The following RSPRY1 variants were observed in gnomAD, a reference collection of about 807,000 sequenced individuals.
RSPRY1 encodes RING finger and SPRY domain-containing protein 1.
Under a neutral mutation model 73.1 loss-of-function variants are expected in RSPRY1, and 23 were observed. The observed-to-expected ratio is 0.31, with a 90% CI of 0.23 to 0.45. The LOEUF is 0.45. Among genes scored for constraint, RSPRY1 ranks in the 20% least tolerant of loss-of-function variants. The pLI is 1.00. For synonymous variants in RSPRY1, 226 were observed against 251.4 expected, an observed-to-expected ratio of 0.90 and a Z score of 0.95; for missense variants, 448 against 698.7, an observed-to-expected ratio of 0.64 and a Z score of 4.05.
chr16:57,237,182 C>T (rs1258934510), intron 14 of RSPRY1, among the ~76,000 whole-genome samples: 9 of 152,100 alleles, frequency 5.9e-5, no homozygotes, highest in South Asian at 2.1e-4. Flanking sequence ...CTTGCTCTGT[C>T]GTCCAGGCTG....
At chr16:57,220,530 T>C in intron 8 of RSPRY1, 1 of 349,112 alleles carries the variant, frequency 2.9e-6, no homozygotes, top group East Asian at 4.4e-5. Flanking sequence ...TGCTTTTTAG[T>C]TCTAATAGTT....
chr16:57,199,577 G>A (rs2074521795), intron 1 of RSPRY1, among the ~76,000 whole-genome samples: 1 of 152,210 alleles, frequency 6.6e-6, no homozygotes, highest in South Asian at 2.1e-4. Flanking sequence ...AGTTATCTCT[G>A]GGAAAGGCAT....
At chr16:57,212,865 G>T in intron 4 of RSPRY1, 107 bp from the exon 5 acceptor site, 1 of 1,179,374 alleles carries the variant, frequency 8.5e-7, no homozygotes, top group Non-Finnish European at 1.2e-6. Context: ...CGCCCGCCTC[G>T]GCCTCCCAAA....
intron 1 of RSPRY1, among the ~76,000 whole-genome samples, chr16:57,199,143 G>A (rs1459169085): frequency 1.3e-5 from 2 of 152,220 alleles, no homozygotes; most frequent in Admixed American, 6.5e-5. Context: ...ATAGAAGGTT[G>A]TGGTATTAAA....
In RSPRY1 at chr16:57,235,209, T is replaced by C. The variant is rs1459607477; in HGVS notation, c.1615T>C (p.Leu539=). The C allele has an allele frequency of 1.2e-6, 2 of 1,613,484 alleles. No homozygotes were observed. The highest frequency in any genetic ancestry group is 2.2e-5 in the East Asian group (1 of 44,860). ...TTGTGATGAGGTAGCAGACACACAA[T>C]TGAAGCCATGTGGACACAGGTAAGA... ...LCCDEVADTQ[L]KPCGHSDLCM... Residue 539 remains leucine, a synonymous_variant, in exon 14 of 15, where the codon TTG becomes CTG. Transcript: ENST00000394420.
At chr16:57,188,561 G>T (rs1354066980) in intron 1 of RSPRY1, among the ~76,000 whole-genome samples, 1 of 152,202 alleles carries the variant, frequency 6.6e-6, no homozygotes, top group Admixed American at 6.5e-5. Context: ...TTGTTGCCCA[G>T]GCTGGAGTGC....
chr16:57,193,839 A>G (rs1480769930), intron 1 of RSPRY1, among the ~76,000 whole-genome samples: 1 of 152,038 alleles, frequency 6.6e-6, no homozygotes, highest in Non-Finnish European at 1.5e-5. Context: ...GCCGAGGTGG[A>G]CAGATCATTT....
intron 1 of RSPRY1, among the ~76,000 whole-genome samples, chr16:57,192,338 GA>G (rs1157790586): frequency 1.3e-5 from 2 of 152,066 alleles, no homozygotes; most frequent in African/African-American, 4.8e-5. Context: ...CTCCTGGGGG[GA>G]AAACCACAAG....
intron 8 of RSPRY1, among the ~76,000 whole-genome samples, chr16:57,217,752 G>A (rs1310702147): frequency 1.3e-5 from 2 of 152,148 alleles, no homozygotes; most frequent in Non-Finnish European, 2.9e-5. Context: ...GATTAAGAGT[G>A]ATCAACCTGT....
chr16:57,210,500 C>A (rs947099447), intron 4 of RSPRY1, among the ~76,000 whole-genome samples: 1 of 151,910 alleles, frequency 6.6e-6, no homozygotes, highest in Non-Finnish European at 1.5e-5. Flanking sequence ...GTCAGGAGTT[C>A]GAGACCAGCC....
intron 14 of RSPRY1, among the ~76,000 whole-genome samples, chr16:57,236,449 A>G (rs1484968390): frequency 6.6e-6 from 1 of 152,210 alleles, no homozygotes; most frequent in African/African-American, 2.4e-5. Context: ...AGCAACAACA[A>G]TTTTAAAAGG....
chr16:57,223,456 C>A (rs2075071845), intron 10 of RSPRY1, among the ~76,000 whole-genome samples: 1 of 152,152 alleles, frequency 6.6e-6, no homozygotes, highest in African/African-American at 2.4e-5. Flanking sequence ...AGCAACTCTC[C>A]AAGGGTGTAC....
At chr16:57,196,034 A>AAATAT (rs1555499007) in intron 1 of RSPRY1, among the ~76,000 whole-genome samples, 12 of 122,822 alleles carry the variant, frequency 9.8e-5, no homozygotes, top group African/African-American at 3.0e-4. Context: ...AAAAAAAAAA[A>AAATAT]ATATATATAT....
At chr16:57,195,213 T>C (rs2074417837) in intron 1 of RSPRY1, among the ~76,000 whole-genome samples, 1 of 152,210 alleles carries the variant, frequency 6.6e-6, no homozygotes, top group South Asian at 2.1e-4. Context: ...AAAATTGTTA[T>C]CGAGAGTATA....
intron 1 of RSPRY1, among the ~76,000 whole-genome samples, chr16:57,194,366 C>T (rs1329967181): frequency 1.3e-5 from 2 of 151,956 alleles, no homozygotes; most frequent in African/African-American, 4.8e-5. Flanking sequence ...TCACAGTTTA[C>T]AGTGAACTCT....
intron 1 of RSPRY1, among the ~76,000 whole-genome samples, chr16:57,200,409 T>C (rs2074549210): frequency 6.6e-6 from 1 of 152,182 alleles, no homozygotes; most frequent in South Asian, 2.1e-4. Context: ...CCATTCTCAA[T>C]GAGCTGTTGA....
chr16:57,209,250 C>T (rs1243245550), intron 4 of RSPRY1, 63 bp downstream of exon 4: 1 of 1,065,206 alleles, frequency 9.4e-7, no homozygotes, highest in Non-Finnish European at 1.4e-6. Context: ...TAAATGACCA[C>T]AAAGAACATT....
chr16:57,234,854 A>G (rs148410962), intron 13 of RSPRY1, among the ~76,000 whole-genome samples: 4 of 152,240 alleles, frequency 2.6e-5, no homozygotes, highest in Admixed American at 6.5e-5. Context: ...TTAGAACTAA[A>G]GGATTTTAAT....
chr16:57,207,096 C>T lies in RSPRY1; in HGVS notation c.351-962C>T, dbSNP rs116955990. Among the ~76,000 whole-genome samples, 989 of 152,268 alleles carry T rather than the reference C, an allele frequency of 6.5e-3. 5 individuals carry two copies. Among genetic ancestry groups the T allele is most frequent in the Non-Finnish European group, 0.01 (685 of 68,006 alleles). On this transcript the variant is annotated intron_variant, in intron 2 of 14. Coordinates refer to ENST00000394420, the MANE Select transcript of RSPRY1 (RefSeq NM_133368.3). ...TTACAAACAGCACTGCAGTGAACAG[C>T]GCAAATATGCATTGATTTTTGGACC...
Sources: gnomAD v4.1 joint callset for allele counts (sites outside exome capture counted in the v4.1 genomes callset) on GRCh38, gnomAD v4.1.1 for gene constraint, MANE v1.5 for transcripts, NCBI Gene and HGNC (gene_info 2026-07-23, HGNC 2026-07-21) for gene names.